NRG3: variants seen among roughly 807,000 people sequenced by gnomAD.
NRG3 encodes neuregulin 3.
Under a neutral mutation model 66.9 loss-of-function variants are expected in NRG3, and 31 were observed. That is an observed-to-expected ratio of 0.46 (90% confidence interval 0.35 to 0.63). The LOEUF (loss-of-function observed/expected upper bound fraction) is 0.63, where lower values mean the gene tolerates loss of function less well. NRG3 is among the 20% of genes least tolerant of loss of function. The probability of loss-of-function intolerance (pLI) is 0.00; values close to 1 mark genes in which losing one functional copy is unlikely to be tolerated. For missense variants in NRG3, 910 were observed against 878.9 expected (o/e 1.04, Z -0.45); for synonymous variants, 393 against 359.4 (o/e 1.09, Z -1.06).
At chr10:82,938,511 C>T (rs1464389145) in intron 4 of NRG3, among the ~76,000 whole-genome samples, 3 of 152,216 alleles carry the variant, frequency 2.0e-5, no homozygotes, top group Non-Finnish European at 4.4e-5. Flanking sequence ...GGGCTCTCAG[C>T]CTGCGCACCT....
intron 1 of NRG3, among the ~76,000 whole-genome samples, chr10:82,261,151 C>A (rs1017412698): frequency 6.6e-6 from 1 of 152,132 alleles, no homozygotes; most frequent in Non-Finnish European, 1.5e-5. Flanking sequence ...TCATAATCCC[C>A]ACATGTCAAG....
chr10:82,674,937 A>ATATTTATTTATTTATTTATT (rs57484788), intron 2 of NRG3, among the ~76,000 whole-genome samples: 1 of 143,656 alleles, frequency 7.0e-6, no homozygotes, highest in African/African-American at 2.6e-5. Context: ...GGTTTTATTT[A>ATATTTATTTATTTATTTATT]TATTTATTTA....
At chr10:82,291,419 G>T (rs1335510905) in intron 1 of NRG3, among the ~76,000 whole-genome samples, 1 of 152,162 alleles carries the variant, frequency 6.6e-6, no homozygotes, top group Non-Finnish European at 1.5e-5. Context: ...TAATTCTCCT[G>T]AAATTGATAG....
chr10:82,085,739 C>T lies in NRG3; in HGVS notation c.823+209576C>T, dbSNP rs1195793880. On this transcript the variant is annotated intron_variant, in intron 1 of 8. Coordinates refer to ENST00000372141, the MANE Select transcript of NRG3 (RefSeq NM_001010848.4). ...GCAACCTTCGCCTTCTGGGTTCAAG[C>T]AATTCTCCTACCTCAGCCTCCCAAG... 2.6e-5 allele frequency among the ~76,000 whole-genome samples: 4 copies of T among 151,978 alleles called. No homozygotes were observed. In the East Asian group the frequency reaches 5.8e-4, roughly 22 times the overall value.
At chr10:82,570,195 C>T (rs2133105124) in intron 2 of NRG3, among the ~76,000 whole-genome samples, 1 of 151,644 alleles carries the variant, frequency 6.6e-6, no homozygotes, top group South Asian at 2.1e-4. Context: ...AAATGTAAAT[C>T]CTATGCTATT....
At chr10:82,389,178 A>G (rs1176581268) in intron 2 of NRG3, among the ~76,000 whole-genome samples, 1 of 152,214 alleles carries the variant, frequency 6.6e-6, no homozygotes, top group Non-Finnish European at 1.5e-5. Context: ...GTCTTTGTGT[A>G]ATTAAGTGAC....
chr10:82,639,803 A>C (rs1344338917), intron 2 of NRG3, among the ~76,000 whole-genome samples: 1 of 152,166 alleles, frequency 6.6e-6, no homozygotes, highest in South Asian at 2.1e-4. Flanking sequence ...TCAGGGGTAC[A>C]TATGAAGGTT....
intron 4 of NRG3, among the ~76,000 whole-genome samples, chr10:82,903,751 T>G (rs184115831): frequency 6.6e-6 from 1 of 152,284 alleles, no homozygotes; most frequent in Admixed American, 6.5e-5. Flanking sequence ...TTATGTTATC[T>G]TAAGGCTTCT....
At chr10:82,641,016 T>G (rs1423073713) in intron 2 of NRG3, among the ~76,000 whole-genome samples, 1 of 12,390 alleles carries the variant, frequency 8.1e-5, no homozygotes, top group Non-Finnish European at 1.9e-4. Context: ...TGTCGTTTTT[T>G]TTTTTTTTTT....
At chr10:82,759,230 T>C (rs1237239350) in intron 3 of NRG3, among the ~76,000 whole-genome samples, 3 of 152,142 alleles carry the variant, frequency 2.0e-5, no homozygotes, top group African/African-American at 7.2e-5. Flanking sequence ...TGTTTGCATA[T>C]GCCTACTCCC....
At chr10:82,402,203 T>G (rs2087154424) in intron 2 of NRG3, among the ~76,000 whole-genome samples, 1 of 152,034 alleles carries the variant, frequency 6.6e-6, no homozygotes, top group African/African-American at 2.4e-5. Flanking sequence ...TGTACATTAA[T>G]TAAGAATACT....
At chr10:82,545,403 G>C (rs941006573) in intron 2 of NRG3, among the ~76,000 whole-genome samples, 1 of 144,122 alleles carries the variant, frequency 6.9e-6, no homozygotes, top group Non-Finnish European at 1.5e-5. Context: ...TTTTGAGACG[G>C]AGTCTCTCTC....
chr10:82,242,564 T>A (rs1004527609), intron 1 of NRG3, among the ~76,000 whole-genome samples: 2 of 152,184 alleles, frequency 1.3e-5, no homozygotes, highest in African/African-American at 4.8e-5. Flanking sequence ...ACAACATTCT[T>A]TCTAAGGAGT....
At chr10:82,130,570 G>C (rs1317365695) in intron 1 of NRG3, among the ~76,000 whole-genome samples, 1 of 152,146 alleles carries the variant, frequency 6.6e-6, no homozygotes, top group Non-Finnish European at 1.5e-5. Flanking sequence ...CAGTGGGATT[G>C]GTGGATTATA....
chr10:82,066,997 C>CCTAA (rs768025545), intron 1 of NRG3, among the ~76,000 whole-genome samples: 6 of 121,912 alleles, frequency 4.9e-5, no homozygotes, highest in Non-Finnish European at 1.0e-4. Flanking sequence ...CTACTTTTAG[C>CCTAA]TATTAGATCC....
intron 3 of NRG3, among the ~76,000 whole-genome samples, chr10:82,775,914 A>G (rs2059896491): frequency 1.3e-5 from 2 of 152,172 alleles, no homozygotes; most frequent in African/African-American, 4.8e-5. Context: ...TTGTAGCTAT[A>G]ATTGTGACCA....
intron 1 of NRG3, among the ~76,000 whole-genome samples, chr10:82,144,328 C>T (rs1424481965): frequency 6.6e-6 from 1 of 152,100 alleles, no homozygotes; most frequent in Non-Finnish European, 1.5e-5. Flanking sequence ...TTTGAAGCAG[C>T]TCTAATAGGA....
intron 4 of NRG3, among the ~76,000 whole-genome samples, chr10:82,925,664 G>C (rs140858949): frequency 6.6e-6 from 1 of 152,198 alleles, no homozygotes; most frequent in African/African-American, 2.4e-5. Flanking sequence ...ATCAATCTAC[G>C]TAGGGTTTAT....
chr10:82,794,200 A>C (rs1027670828), intron 3 of NRG3, among the ~76,000 whole-genome samples: 1 of 152,182 alleles, frequency 6.6e-6, no homozygotes, highest in Non-Finnish European at 1.5e-5. Flanking sequence ...TATCTCATTC[A>C]TAATGGCATC....
Sources: gnomAD v4.1 joint callset for allele counts (sites outside exome capture counted in the v4.1 genomes callset) on GRCh38, gnomAD v4.1.1 for gene constraint, MANE v1.5 for transcripts, NCBI Gene and HGNC (gene_info 2026-07-23, HGNC 2026-07-21) for gene names.